Variants in PTPRN2 observed in about 807,000 individuals in gnomAD.
The protein encoded by PTPRN2 is receptor-type tyrosine-protein phosphatase N2.
A neutral mutation model predicts 118.8 loss-of-function variants in PTPRN2; 74 were observed. That is an observed-to-expected ratio of 0.62 (90% CI 0.52 to 0.76). The LOEUF is 0.76. PTPRN2 is among the 30% of genes least tolerant of loss of function. The pLI is 0.00. For synonymous variants in PTPRN2, 641 were observed against 608.0 expected (o/e 1.05, Z -0.80); for missense variants, 1,481 against 1,394.4 (o/e 1.06, Z -0.99).
intron 14 of PTPRN2, among the ~76,000 whole-genome samples, chr7:157,624,416 C>T (rs1281781033): frequency 4.6e-5 from 7 of 150,672 alleles, no homozygotes; most frequent in South Asian, 2.1e-4. Flanking sequence ...AGTGAAACTC[C>T]GTCTCAAAAA....
chr7:158,280,288 A>G (rs907415098), intron 3 of PTPRN2, among the ~76,000 whole-genome samples: 1 of 152,226 alleles, frequency 6.6e-6, no homozygotes, highest in Non-Finnish European at 1.5e-5. Flanking sequence ...GGCAGCAGCC[A>G]TGAGAAGGTG....
chr7:158,117,241 A>G (rs1283727326), intron 9 of PTPRN2, among the ~76,000 whole-genome samples: 2 of 152,146 alleles, frequency 1.3e-5, no homozygotes, highest in Admixed American at 1.3e-4. Flanking sequence ...ATATAAAAGA[A>G]ATTCTGAAGC....
At chr7:158,144,566 G>C (rs186479479) in intron 6 of PTPRN2, among the ~76,000 whole-genome samples, 18 of 152,270 alleles carry the variant, frequency 1.2e-4, no homozygotes, top group Admixed American at 3.9e-4. Flanking sequence ...TTGAACCTTG[G>C]GGGTGGAGGT....
intron 11 of PTPRN2, among the ~76,000 whole-genome samples, chr7:158,031,927 C>T (rs1267071298): frequency 1.3e-5 from 2 of 152,244 alleles, no homozygotes; most frequent in African/African-American, 2.4e-5. Flanking sequence ...TCCGGGGGCC[C>T]GCGAGCCTCT....
At chr7:157,772,310 C>CACAG (rs1802915521) in intron 12 of PTPRN2, among the ~76,000 whole-genome samples, 1 of 79,970 alleles carries the variant, frequency 1.3e-5, no homozygotes, top group African/African-American at 1.1e-4. Flanking sequence ...CATACAGACA[C>CACAG]ACATAGACAC....
At chr7:158,005,496 G>T (rs1397933793) in intron 11 of PTPRN2, among the ~76,000 whole-genome samples, 1 of 152,222 alleles carries the variant, frequency 6.6e-6, no homozygotes, top group East Asian at 1.9e-4. Flanking sequence ...GACCTAAGCT[G>T]GTTTGGAATT....
chr7:158,023,266 G>A (rs1220506570), intron 11 of PTPRN2, among the ~76,000 whole-genome samples: 2 of 152,036 alleles, frequency 1.3e-5, no homozygotes, highest in East Asian at 1.9e-4. Flanking sequence ...GCGCTCCCAG[G>A]CCTGTGTCCT....
At chr7:158,382,403 G>A (rs1323056413) in intron 2 of PTPRN2, among the ~76,000 whole-genome samples, 6 of 152,052 alleles carry the variant, frequency 3.9e-5, no homozygotes, top group South Asian at 2.1e-4. Context: ...CCATGAATGC[G>A]ACTGTTCTCC....
At chr7:157,659,942 A>G (rs1000842060) in intron 13 of PTPRN2, among the ~76,000 whole-genome samples, 2 of 152,010 alleles carry the variant, frequency 1.3e-5, no homozygotes, top group Non-Finnish European at 2.9e-5. Flanking sequence ...ACAGGGTTTC[A>G]CCATATTGGC....
At chr7:158,554,656 A>G (rs1245565820) in intron 1 of PTPRN2, among the ~76,000 whole-genome samples, 1 of 152,196 alleles carries the variant, frequency 6.6e-6, no homozygotes, top group African/African-American at 2.4e-5. Context: ...CAACTCTGCT[A>G]GTCGCGGCTC....
intron 11 of PTPRN2, among the ~76,000 whole-genome samples, chr7:158,052,934 C>T (rs910952246): frequency 2.2e-4 from 33 of 152,158 alleles, no homozygotes; most frequent in African/African-American, 2.9e-4. Context: ...TGGCCAGTGC[C>T]GCCCTTCTGC....
intron 13 of PTPRN2, among the ~76,000 whole-genome samples, chr7:157,663,216 C>T (rs970234991): frequency 9.2e-5 from 14 of 152,208 alleles, no homozygotes; most frequent in Non-Finnish European, 1.5e-4. Context: ...GGGCGAACAG[C>T]GCACCAGGCC....
intron 1 of PTPRN2, among the ~76,000 whole-genome samples, chr7:158,523,162 C>T (rs903439250): frequency 1.9e-4 from 29 of 152,120 alleles, no homozygotes; most frequent in African/African-American, 7.0e-4. Context: ...TCACAGGAAG[C>T]ACAAGTTGGA....
At chr7:158,258,498 G>T (rs1206808006) in intron 3 of PTPRN2, among the ~76,000 whole-genome samples, 1 of 152,200 alleles carries the variant, frequency 6.6e-6, no homozygotes, top group Non-Finnish European at 1.5e-5. Flanking sequence ...TCCACGGAGG[G>T]AGCTGCCTGG....
chr7:158,401,984 A>C (rs1812981054), intron 2 of PTPRN2, among the ~76,000 whole-genome samples: 1 of 152,034 alleles, frequency 6.6e-6, no homozygotes, highest in South Asian at 2.1e-4. Context: ...CGGTGCCCAG[A>C]GCCAGGGAGA....
chr7:158,581,581 T>C (rs1396287307), intron 1 of PTPRN2, among the ~76,000 whole-genome samples: 1 of 152,222 alleles, frequency 6.6e-6, no homozygotes, highest in African/African-American at 2.4e-5. Flanking sequence ...GTTTTGTAAC[T>C]ATTAGTTCAT....
At chr7:158,238,864 C>T (rs3752372) in intron 3 of PTPRN2, among the ~76,000 whole-genome samples, 37,487 of 152,106 alleles carry the variant, frequency 0.25, 6,657 homozygotes, top group African/African-American at 0.51. Flanking sequence ...GACCCTGACA[C>T]GGTGGCTACA....
chr7:157,998,563 C>T lies in PTPRN2; in HGVS notation c.1723+82735G>A, dbSNP rs1468378594. On this transcript the variant is annotated intron_variant, in intron 11 of 22. Transcript: ENST00000389418. ...CAGTAAATGTAATGTTTAATCACAC[C>T]TGTAATCCCAGCACTTTAGGAGGCC... Among the ~76,000 whole-genome samples the T allele has an allele frequency of 1.2e-4, 18 of 152,182 alleles. 1 individual carries two copies. The highest frequency in any genetic ancestry group is 1.6e-4 in the Non-Finnish European group (11 of 68,042).
intron 9 of PTPRN2, among the ~76,000 whole-genome samples, chr7:158,121,517 CCAAT>C (rs1457792000): frequency 6.6e-6 from 1 of 152,216 alleles, no homozygotes; most frequent in Non-Finnish European, 1.5e-5. Context: ...AGCCAACTTC[CCAAT>C]CAATGTTTGC....
Sources: gnomAD v4.1 joint callset for allele counts (sites outside exome capture counted in the v4.1 genomes callset) on GRCh38, gnomAD v4.1.1 for gene constraint, MANE v1.5 for transcripts, NCBI Gene and HGNC (gene_info 2026-07-23, HGNC 2026-07-21) for gene names.